ZC3H12B: variants seen among roughly 807,000 people sequenced by gnomAD.
The protein encoded by ZC3H12B is probable ribonuclease ZC3H12B.
A neutral mutation model predicts 43.9 loss-of-function variants in ZC3H12B; 7 were observed. The observed-to-expected ratio is 0.16, with a 90% CI of 0.09 to 0.30. The LOEUF is 0.30. Among genes scored for constraint, ZC3H12B ranks in the 10% least tolerant of loss-of-function variants. ZC3H12B has a pLI of 1.00. For synonymous variants in ZC3H12B, 222 were observed against 241.7 expected, an observed-to-expected ratio of 0.92 and a Z score of 0.76; for missense variants, 475 against 670.2, an observed-to-expected ratio of 0.71 and a Z score of 3.22.
At chrX:65,064,574 TGTG>T in the ZC3H12B span, among the ~76,000 whole-genome samples, 9 of 111,736 alleles carry the variant, frequency 8.1e-5, no homozygotes, top group Non-Finnish European at 1.5e-4. Flanking sequence ...CTTCCAATCA[TGTG>T]GTCAGTTTTT....
upstream of ZC3H12B, among the ~76,000 whole-genome samples, chrX:65,365,911 G>C (rs940087979): frequency 1.8e-5 from 2 of 109,079 alleles, no homozygotes; most frequent in Non-Finnish European, 3.8e-5. Flanking sequence ...TCCCTTCATT[G>C]ACTCTCTTTT....
At chrX:65,254,175 A>G in the ZC3H12B span, among the ~76,000 whole-genome samples, 2 of 112,412 alleles carry the variant, frequency 1.8e-5, no homozygotes, top group Admixed American at 9.3e-5. Flanking sequence ...ACAAATGTGC[A>G]CAGACACCAG....
intron 3 of ZC3H12B, among the ~76,000 whole-genome samples, chrX:65,404,463 C>G (rs753668000): frequency 9.0e-6 from 1 of 111,379 alleles, no homozygotes; most frequent in Non-Finnish European, 1.9e-5. Flanking sequence ...TAGAAACACA[C>G]TTTACCTATA....
chrX:65,485,935 A>G (rs1385844190), upstream of ZC3H12B, among the ~76,000 whole-genome samples: 1 of 112,042 alleles, frequency 8.9e-6, no homozygotes, highest in Non-Finnish European at 1.9e-5. Context: ...CCTTGAGATC[A>G]GTCCTCATCT....
the ZC3H12B span, among the ~76,000 whole-genome samples, chrX:65,283,807 T>C: frequency 8.9e-6 from 1 of 111,786 alleles, no homozygotes; most frequent in African/African-American, 3.3e-5. Context: ...TTATGGAAAT[T>C]TGGGCTGTTG....
chrX:65,050,138 A>G, the ZC3H12B span, among the ~76,000 whole-genome samples: 5 of 111,306 alleles, frequency 4.5e-5, no homozygotes, highest in African/African-American at 9.7e-5. Flanking sequence ...CACCTTGGTT[A>G]AGTTTATTTC....
At chrX:65,174,902 C>G in the ZC3H12B span, among the ~76,000 whole-genome samples, 1 of 109,345 alleles carries the variant, frequency 9.1e-6, no homozygotes, top group Admixed American at 9.9e-5. Flanking sequence ...TGCGGGGGTT[C>G]CAGGTGCCAA....
the ZC3H12B span, among the ~76,000 whole-genome samples, chrX:65,345,382 T>A: frequency 8.9e-6 from 1 of 111,952 alleles, no homozygotes; most frequent in Non-Finnish European, 1.9e-5. Flanking sequence ...AAGAATGAGA[T>A]CATGTCATTT....
the ZC3H12B span, among the ~76,000 whole-genome samples, chrX:65,224,145 T>C: frequency 8.0e-5 from 9 of 112,340 alleles, no homozygotes; most frequent in Non-Finnish European, 1.7e-4. Context: ...AAGAGTGGAA[T>C]TCACAGCATC....
At chrX:65,160,547 G>C in the ZC3H12B span, among the ~76,000 whole-genome samples, 1 of 111,582 alleles carries the variant, frequency 9.0e-6, no homozygotes, top group Non-Finnish European at 1.9e-5. Context: ...GTTTATTTGC[G>C]TAGAGGTGTT....
the ZC3H12B span, among the ~76,000 whole-genome samples, chrX:65,129,760 TG>T: frequency 3.6e-5 from 4 of 110,125 alleles, no homozygotes; most frequent in Admixed American, 3.9e-4. Context: ...GCAAAAATTT[TG>T]GGGGGATGGT....
chrX:65,145,511 C>G, the ZC3H12B span, among the ~76,000 whole-genome samples: 1 of 111,481 alleles, frequency 9.0e-6, no homozygotes, highest in Non-Finnish European at 1.9e-5. Flanking sequence ...ATTCTTCGTG[C>G]TATTTGCTGC....
the ZC3H12B span, among the ~76,000 whole-genome samples, chrX:65,156,828 CGTT>C: frequency 3.6e-5 from 4 of 111,300 alleles, no homozygotes; most frequent in South Asian, 3.8e-4. Context: ...GTTTTGTTGT[CGTT>C]GTTGTTTTGC....
At chrX:65,061,131 T>C in the ZC3H12B span, among the ~76,000 whole-genome samples, 1 of 111,822 alleles carries the variant, frequency 8.9e-6, no homozygotes, top group African/African-American at 3.2e-5. Flanking sequence ...CTTTTATGTT[T>C]TTTTATTTTT....
intron 3 of ZC3H12B, among the ~76,000 whole-genome samples, chrX:65,431,680 C>T (rs943944171): frequency 1.8e-5 from 2 of 112,211 alleles, no homozygotes; most frequent in African/African-American, 6.5e-5. Context: ...TTGCCCATTC[C>T]GAGAGATTTA....
At chrX:65,200,743 A>G in the ZC3H12B span, among the ~76,000 whole-genome samples, 2 of 110,612 alleles carry the variant, frequency 1.8e-5, no homozygotes, top group Non-Finnish European at 3.8e-5. Flanking sequence ...GCCTCTTATT[A>G]TAGTTTCTTC....
At chrX:65,222,971 C>G in the ZC3H12B span, among the ~76,000 whole-genome samples, 2 of 111,536 alleles carry the variant, frequency 1.8e-5, no homozygotes, top group African/African-American at 3.3e-5. Flanking sequence ...CATCACATTA[C>G]CTGACTTCAA....
the ZC3H12B span, among the ~76,000 whole-genome samples, chrX:65,264,056 C>T: frequency 9.0e-6 from 1 of 111,412 alleles, no homozygotes; most frequent in African/African-American, 3.3e-5. Context: ...TGAAGTAACT[C>T]AGGAAAGAAA....
chrX:65,062,521 A>G, the ZC3H12B span, among the ~76,000 whole-genome samples: 1 of 111,041 alleles, frequency 9.0e-6, no homozygotes, highest in African/African-American at 3.3e-5. Context: ...TTGTCTATAT[A>G]TATGTTTTGG....
Sources: allele counts gnomAD v4.1 joint callset (sites outside exome capture counted in the v4.1 genomes callset), GRCh38; gene constraint gnomAD v4.1.1; transcripts MANE v1.5; gene names NCBI Gene and HGNC (gene_info 2026-07-23, HGNC 2026-07-21).